The following SOX5 variants were observed in gnomAD, a reference collection of about 807,000 sequenced individuals.
The protein encoded by SOX5 is SRY-box transcription factor 5.
A neutral mutation model predicts 92.0 loss-of-function variants in SOX5; 9 were observed. The ratio of observed to expected loss-of-function variants is 0.10; its 90% CI spans 0.06 to 0.17. The LOEUF is 0.17. Among genes scored for constraint, SOX5 ranks in the 10% least tolerant of loss-of-function variants. SOX5 has a pLI of 1.00. For synonymous variants in SOX5, 344 were observed against 336.3 expected, an observed-to-expected ratio of 1.02 and a Z score of -0.25; for missense variants, 642 against 944.5, an observed-to-expected ratio of 0.68 and a Z score of 4.20.
In SOX5 at chr12:23,575,689, A is replaced by C; in HGVS notation, c.1314T>G (p.Ala438=). The change falls in exon 10 of 15, where the codon GCT becomes GCG. Residue 438 remains alanine (A), a synonymous_variant. Transcript: ENST00000451604. The part of the protein sequence containing the change: ...PLKASVPAAL[A]SPSARVSTIG... The stretch of plus-strand genomic sequence containing the variant: ...TTGTGCTAACTCTGGCTGAAGGACT[A>C]GCTAACGCTGCTGGGACAGAGGCTT... 1.9e-6 allele frequency: 3 copies of C among 1,614,208 alleles called. No homozygotes were observed. In the South Asian group the frequency reaches 3.3e-5, roughly 18 times the overall value.
rs182286396 is a variant in SOX5 at position 24,408,042 on chromosome 12, G to A, written c.-250-39403C>T. On this transcript the variant is annotated intron_variant, in intron 1 of 4. Transcript: ENST00000446891. Reference sequence around the variant, plus strand: ...GTGATGTTTGAGCAGAGATCTCGATGAAGTGAATGAGCAGGCCAGAGAAAG... The same window carrying A: ...GTGATGTTTGAGCAGAGATCTCGATAAAGTGAATGAGCAGGCCAGAGAAAG... 1.6e-3 allele frequency among the ~76,000 whole-genome samples: 242 copies of A among 152,282 alleles called. 2 individuals carry two copies. Among genetic ancestry groups the A allele is most frequent in the African/African-American group, 4.5e-3 (188 of 41,566 alleles).
intron 4 of SOX5, among the ~76,000 whole-genome samples, chr12:24,208,712 T>C (rs749502145): frequency 6.6e-6 from 1 of 152,208 alleles, no homozygotes; most frequent in Non-Finnish European, 1.5e-5. Context: ...ATTCAACACA[T>C]GCTATTAGAA....
At chr12:23,902,334 T>C (rs1349775979) in intron 1 of SOX5, among the ~76,000 whole-genome samples, 1 of 152,180 alleles carries the variant, frequency 6.6e-6, no homozygotes. Context: ...AACCTTTGAC[T>C]AGATAATACA....
chr12:23,790,872 G>A (rs148252690), intron 3 of SOX5, among the ~76,000 whole-genome samples: 22 of 152,072 alleles, frequency 1.4e-4, no homozygotes, highest in Admixed American at 2.0e-4. Context: ...TTTACACCCC[G>A]CTCTATAAGG....
chr12:23,654,205 G>A (rs976211909), intron 7 of SOX5, among the ~76,000 whole-genome samples: 3 of 152,002 alleles, frequency 2.0e-5, no homozygotes, highest in African/African-American at 7.2e-5. Flanking sequence ...GAGGAAATCA[G>A]GACCCAGAGA....
chr12:23,806,849 G>A (rs1317413130), intron 3 of SOX5, among the ~76,000 whole-genome samples: 2 of 152,154 alleles, frequency 1.3e-5, no homozygotes, highest in Admixed American at 6.5e-5. Context: ...CAATAGGCAG[G>A]ATCAGCATCT....
chr12:24,080,633 G>A (rs971859648), intron 4 of SOX5, among the ~76,000 whole-genome samples: 3 of 151,960 alleles, frequency 2.0e-5, no homozygotes, highest in Non-Finnish European at 4.4e-5. Context: ...TCCAATGTTT[G>A]AAGATCTGCT....
At chr12:24,068,751 C>T (rs868473212) in intron 4 of SOX5, among the ~76,000 whole-genome samples, 37 of 118,480 alleles carry the variant, frequency 3.1e-4, no homozygotes, top group South Asian at 2.6e-3. Context: ...TATATATACA[C>T]ACACACACAT....
chr12:24,133,821 AACAG>A (rs1949875299), intron 4 of SOX5, among the ~76,000 whole-genome samples: 2 of 152,314 alleles, frequency 1.3e-5, no homozygotes, highest in African/African-American at 2.4e-5. Flanking sequence ...TTAAAAAGAA[AACAG>A]ACAGCCAGAG....
At chr12:24,210,014 T>C (rs1480700314) in intron 4 of SOX5, among the ~76,000 whole-genome samples, 2 of 51,368 alleles carry the variant, frequency 3.9e-5, no homozygotes, top group Non-Finnish European at 6.2e-5. Context: ...CGAGACTCCG[T>C]CTCAAAAAAA....
chr12:24,327,478 T>C (rs1425595499), intron 2 of SOX5, among the ~76,000 whole-genome samples: 1 of 139,738 alleles, frequency 7.2e-6, no homozygotes, highest in African/African-American at 2.6e-5. Flanking sequence ...TGCAACAGCA[T>C]GATCTCGGCT....
intron 4 of SOX5, among the ~76,000 whole-genome samples, chr12:24,090,502 T>G (rs1021023055): frequency 2.0e-5 from 3 of 152,054 alleles, no homozygotes; most frequent in Non-Finnish European, 2.9e-5. Context: ...TTAGTACAAT[T>G]CCATGAAAAG....
intron 2 of SOX5, among the ~76,000 whole-genome samples, chr12:23,889,460 T>C (rs947077912): frequency 4.6e-5 from 7 of 152,222 alleles, no homozygotes; most frequent in African/African-American, 1.7e-4. Context: ...ACTGTTAGAT[T>C]GTAAGCAAAA....
Position 24,136,223 on chromosome 12 carries a change from C to T in SOX5, c.-2+77120G>A, listed in dbSNP as rs150599359. Among the ~76,000 whole-genome samples, 851 of 152,284 alleles carry T rather than the reference C, an allele frequency of 5.6e-3. 6 individuals are homozygous for T. The highest frequency in any genetic ancestry group is 0.01 in the Middle Eastern group (3 of 294). On this transcript the variant is annotated intron_variant, in intron 4 of 4. Coordinates refer to the SOX5 transcript ENST00000446891. ...GGACCAAGCTCTGGAATCTGGGTAA[C>T]CAGAAGGCCCAGAGAGTCCTCAAGG...
intron 2 of SOX5, among the ~76,000 whole-genome samples, chr12:23,871,881 A>G (rs77768063): frequency 0.019 from 2,844 of 152,232 alleles, 83 homozygotes; most frequent in African/African-American, 0.064. Context: ...TGTCTATAAC[A>G]ATAGAGTTTC....
chr12:24,247,901 G>A (rs1939201735), intron 3 of SOX5, among the ~76,000 whole-genome samples: 1 of 151,988 alleles, frequency 6.6e-6, no homozygotes, highest in Admixed American at 6.6e-5. Flanking sequence ...TGATCTGCCT[G>A]CCTCGGCCTC....
intron 3 of SOX5, among the ~76,000 whole-genome samples, chr12:23,833,140 C>T (rs1272650825): frequency 6.6e-6 from 1 of 151,986 alleles, no homozygotes; most frequent in African/African-American, 2.4e-5. Context: ...TCTATAAAGC[C>T]TCTGAAGAAA....
chr12:24,105,178 G>A (rs975798222), intron 4 of SOX5, among the ~76,000 whole-genome samples: 4 of 152,088 alleles, frequency 2.6e-5, no homozygotes, highest in African/African-American at 4.8e-5. Flanking sequence ...AAGCACATTT[G>A]TTTAAGGTTC....
chr12:23,899,485 C>A (rs1482697525), intron 1 of SOX5, among the ~76,000 whole-genome samples: 2 of 151,670 alleles, frequency 1.3e-5, no homozygotes, highest in Non-Finnish European at 2.9e-5. Context: ...AACTACATAT[C>A]TGTGTTGCAA....
Sources: gnomAD v4.1 joint callset for allele counts (sites outside exome capture counted in the v4.1 genomes callset) on GRCh38, gnomAD v4.1.1 for gene constraint, MANE v1.5 for transcripts, NCBI Gene and HGNC (gene_info 2026-07-23, HGNC 2026-07-21) for gene names.